The following NALF1 variants were observed in gnomAD, a reference collection of about 807,000 sequenced individuals.
The protein encoded by NALF1 is family with sequence similarity 155 member A.
In NALF1, 3 loss-of-function variants were observed where a neutral mutation model predicts 48.4. That is an observed-to-expected ratio of 0.06 (90% confidence interval 0.03 to 0.16). The LOEUF (loss-of-function observed/expected upper bound fraction) is 0.16, where lower values mean the gene tolerates loss of function less well. NALF1 is among the 10% of genes least tolerant of loss of function. The pLI is 1.00. For synonymous variants in NALF1, 262 were observed against 245.7 expected (o/e 1.07, Z -0.62); for missense variants, 526 against 571.5 (o/e 0.92, Z 0.81).
At chr13:107,184,809 T>C (rs2138778442) in intron 2 of NALF1, among the ~76,000 whole-genome samples, 1 of 152,336 alleles carries the variant, frequency 6.6e-6, no homozygotes, top group Admixed American at 6.5e-5. Context: ...AAGTATATTT[T>C]ATTAGCATCC....
At chr13:107,319,037 T>C (rs960143957) in intron 1 of NALF1, among the ~76,000 whole-genome samples, 1 of 151,926 alleles carries the variant, frequency 6.6e-6, no homozygotes, top group Non-Finnish European at 1.5e-5. Flanking sequence ...GTTCAAGGAG[T>C]TCAGTTTGGT....
At chr13:107,271,795 TATATATATATATA>T (rs1409144908) in intron 1 of NALF1, among the ~76,000 whole-genome samples, 20 of 134,048 alleles carry the variant, frequency 1.5e-4, no homozygotes, top group African/African-American at 5.9e-4. Context: ...TATATATATA[TATATATATATATA>T]TATATATATT....
chr13:107,858,921 GTTAATAC>G (rs1594318269), intron 1 of NALF1, among the ~76,000 whole-genome samples: 1 of 152,300 alleles, frequency 6.6e-6, no homozygotes, highest in Non-Finnish European at 1.5e-5. Context: ...TTCTGTAAGA[GTTAATAC>G]TTAATAATGA....
chr13:107,812,495 G>A (rs1382206518), intron 1 of NALF1, among the ~76,000 whole-genome samples: 3 of 151,958 alleles, frequency 2.0e-5, no homozygotes, highest in Non-Finnish European at 2.9e-5. Context: ...TTTTAGTCAT[G>A]TCAATGAAAA....
chr13:107,434,255 C>T (rs1259076149), intron 1 of NALF1, among the ~76,000 whole-genome samples: 1 of 152,052 alleles, frequency 6.6e-6, no homozygotes, highest in Non-Finnish European at 1.5e-5. Context: ...TTTTCAATTT[C>T]TATATTTGTG....
intron 1 of NALF1, among the ~76,000 whole-genome samples, chr13:107,636,096 T>A (rs7998845): frequency 2.0e-5 from 3 of 152,054 alleles, no homozygotes; most frequent in African/African-American, 7.2e-5. Flanking sequence ...GCAAAAACCA[T>A]GATTACTTTT....
At chr13:107,278,956 G>A (rs1881333077) in intron 1 of NALF1, among the ~76,000 whole-genome samples, 2 of 151,930 alleles carry the variant, frequency 1.3e-5, no homozygotes, top group African/African-American at 4.8e-5. Flanking sequence ...AATGATGATT[G>A]GCTTCAAAGA....
At chr13:107,669,419 A>T (rs1404007905) in intron 1 of NALF1, among the ~76,000 whole-genome samples, 1 of 152,168 alleles carries the variant, frequency 6.6e-6, no homozygotes. Flanking sequence ...TTTCATCCAA[A>T]TAAAAAAACG....
intron 1 of NALF1, among the ~76,000 whole-genome samples, chr13:107,360,381 C>A (rs1883040632): frequency 6.6e-6 from 1 of 152,188 alleles, no homozygotes; most frequent in Non-Finnish European, 1.5e-5. Context: ...CCATTGGAAT[C>A]ATCAAATCCA....
chr13:107,750,999 G>C lies in NALF1; in HGVS notation c.915+114683C>G, dbSNP rs140549309. Among the ~76,000 whole-genome samples, 1,003 of 152,280 alleles carry C rather than the reference G, an allele frequency of 6.6e-3. 10 individuals carry two copies. The highest frequency in any genetic ancestry group is 0.022 in the African/African-American group (931 of 41,562). On this transcript the variant is annotated intron_variant, in intron 1 of 2. Coordinates refer to ENST00000375915, the MANE Select transcript of NALF1 (RefSeq NM_001080396.3). ...ACCTTAATTTGGAAGCCTCTTGACT[G>C]AATGATAAAACAGGCCAGAAATTGA...
chr13:107,324,228 C>T (rs1882307352), intron 1 of NALF1, among the ~76,000 whole-genome samples: 1 of 152,114 alleles, frequency 6.6e-6, no homozygotes, highest in African/African-American at 2.4e-5. Flanking sequence ...TATTATTTTT[C>T]TGAATCATGG....
chr13:107,441,970 C>G (rs1217415300), intron 1 of NALF1, among the ~76,000 whole-genome samples: 1 of 150,870 alleles, frequency 6.6e-6, no homozygotes, highest in Admixed American at 6.7e-5. Context: ...ATAGCAATGT[C>G]AAATACAGTA....
At chr13:107,401,685 T>C (rs1883810141) in intron 1 of NALF1, among the ~76,000 whole-genome samples, 1 of 111,794 alleles carries the variant, frequency 8.9e-6, no homozygotes, top group Admixed American at 9.5e-5. Flanking sequence ...GAAATAGTTG[T>C]TACTTTGAAA....
intron 1 of NALF1, among the ~76,000 whole-genome samples, chr13:107,600,232 C>T (rs1194590393): frequency 6.6e-6 from 1 of 152,106 alleles, no homozygotes; most frequent in Non-Finnish European, 1.5e-5. Context: ...AATTTCATTA[C>T]GTTTATCTAG....
intron 1 of NALF1, among the ~76,000 whole-genome samples, chr13:107,759,407 A>G (rs938957294): frequency 6.6e-6 from 1 of 152,070 alleles, no homozygotes; most frequent in Non-Finnish European, 1.5e-5. Context: ...GCGGGGTTTC[A>G]CCATGTTAGC....
At chr13:107,712,268 T>C (rs1289747558) in intron 1 of NALF1, among the ~76,000 whole-genome samples, 1 of 152,200 alleles carries the variant, frequency 6.6e-6, no homozygotes, top group Non-Finnish European at 1.5e-5. Flanking sequence ...GCCTATATTC[T>C]TCCTTTTTCT....
chr13:107,171,804 C>A (rs549671584), intron 2 of NALF1, among the ~76,000 whole-genome samples: 1 of 152,104 alleles, frequency 6.6e-6, no homozygotes, highest in East Asian at 1.9e-4. Context: ...AATGAACTTT[C>A]TACACAAATT....
intron 1 of NALF1, among the ~76,000 whole-genome samples, chr13:107,787,775 T>A (rs1878118468): frequency 6.6e-6 from 1 of 152,242 alleles, no homozygotes; most frequent in African/African-American, 2.4e-5. Flanking sequence ...AGCCACTCTT[T>A]CCTGAACACT....
intron 1 of NALF1, among the ~76,000 whole-genome samples, chr13:107,449,243 CA>C (rs1884701393): frequency 1.3e-5 from 2 of 150,616 alleles, no homozygotes; most frequent in African/African-American, 4.9e-5. Context: ...GACTCTGTCT[CA>C]AAAAAAGAAT....
Sources: allele counts gnomAD v4.1 joint callset (sites outside exome capture counted in the v4.1 genomes callset), GRCh38; gene constraint gnomAD v4.1.1; transcripts MANE v1.5; gene names NCBI Gene and HGNC (gene_info 2026-07-23, HGNC 2026-07-21).